TMEM132D: variants seen among roughly 807,000 people sequenced by gnomAD.
TMEM132D encodes transmembrane protein 132D.
Under a neutral mutation model 62.3 loss-of-function variants are expected in TMEM132D, and 21 were observed. The ratio of observed to expected loss-of-function variants is 0.34; its 90% CI spans 0.24 to 0.49. The LOEUF (loss-of-function observed/expected upper bound fraction) is 0.49. TMEM132D is among the 20% of genes least tolerant of loss of function. The probability of loss-of-function intolerance (pLI) is 0.99; values close to 1 mark genes in which losing one functional copy is unlikely to be tolerated. For missense variants in TMEM132D, 1,346 were observed against 1,402.8 expected (o/e 0.96, Z 0.65); for synonymous variants, 621 against 575.6 (o/e 1.08, Z -1.13).
At chr12:129,225,542 T>C (rs909198410) in intron 4 of TMEM132D, among the ~76,000 whole-genome samples, 1 of 152,214 alleles carries the variant, frequency 6.6e-6, no homozygotes, top group Non-Finnish European at 1.5e-5. Context: ...TTACTGAAAC[T>C]CTCTGCAGCT....
At chr12:129,273,187 TTC>T (rs1171288090) in intron 4 of TMEM132D, among the ~76,000 whole-genome samples, 3 of 151,374 alleles carry the variant, frequency 2.0e-5, no homozygotes, top group Non-Finnish European at 4.4e-5. Flanking sequence ...CAGAGTGAGA[TTC>T]TGTTTCCAAA....
At chr12:129,432,902 C>T (rs1443539524) in intron 3 of TMEM132D, among the ~76,000 whole-genome samples, 1 of 152,198 alleles carries the variant, frequency 6.6e-6, no homozygotes, top group African/African-American at 2.4e-5. Flanking sequence ...CTGCCAGAAA[C>T]CCATGGCCCC....
At chr12:129,574,722 G>A (rs918369821) in intron 2 of TMEM132D, among the ~76,000 whole-genome samples, 3 of 151,744 alleles carry the variant, frequency 2.0e-5, no homozygotes, top group Admixed American at 2.0e-4. Context: ...ATATAGCTCA[G>A]GGCTTTTTCA....
In TMEM132D at chr12:129,074,966, A is replaced by C. The variant is rs1168184051; in HGVS notation, c.2209T>G (p.Ser737Ala). The C allele has an allele frequency of 6.2e-7, 1 of 1,614,042 alleles. No homozygotes were observed. Among genetic ancestry groups the C allele is most frequent in the Non-Finnish European group, 8.5e-7 (1 of 1,180,012 alleles). The change falls in exon 9 of 9, where the codon TCT (serine) becomes GCT (alanine). Residue 737 changes from serine (S) to alanine (A), a missense_variant. Coordinates refer to ENST00000422113, the MANE Select transcript of TMEM132D (RefSeq NM_133448.3). ...DGKDFSLMAT[S>A]LDEKVVSIHQ... ...ATGGAGACTACCTTCTCATCCAAAG[A>C]TGTGGCCATCAAGGAGAAGTCTTTC...
chr12:129,803,781 A>G (rs1324288754), intron 1 of TMEM132D, among the ~76,000 whole-genome samples: 1 of 151,944 alleles, frequency 6.6e-6, no homozygotes, highest in Non-Finnish European at 1.5e-5. Context: ...AACAAAATAG[A>G]TAGACCGCTA....
chr12:129,757,913 A>T (rs940375562), intron 1 of TMEM132D, among the ~76,000 whole-genome samples: 1 of 151,372 alleles, frequency 6.6e-6, no homozygotes, highest in African/African-American at 2.4e-5. Flanking sequence ...ATTTTATTTT[A>T]TTTTTTTGAG....
intron 1 of TMEM132D, among the ~76,000 whole-genome samples, chr12:129,850,167 C>G (rs1310349072): frequency 6.6e-6 from 1 of 152,194 alleles, no homozygotes; most frequent in Non-Finnish European, 1.5e-5. Context: ...GGATCTCTCT[C>G]TCTCCTCTCT....
chr12:129,873,809 A>C (rs971099248), intron 1 of TMEM132D, among the ~76,000 whole-genome samples: 2 of 152,256 alleles, frequency 1.3e-5, no homozygotes, highest in Non-Finnish European at 2.9e-5. Flanking sequence ...TCTTGTGTAC[A>C]GATTTTATAT....
At chr12:129,453,728 C>T (rs2135728190) in intron 3 of TMEM132D, among the ~76,000 whole-genome samples, 1 of 152,232 alleles carries the variant, frequency 6.6e-6, no homozygotes, top group South Asian at 2.1e-4. Context: ...TTGTTTGCTC[C>T]CTAACAGTTT....
chr12:129,319,738 A>G (rs1025487939), intron 4 of TMEM132D, among the ~76,000 whole-genome samples: 1 of 152,182 alleles, frequency 6.6e-6, no homozygotes, highest in Non-Finnish European at 1.5e-5. Context: ...TAACATGCAC[A>G]TTGTCCCAGA....
chr12:129,346,753 G>T (rs1332820739), intron 3 of TMEM132D, among the ~76,000 whole-genome samples: 1 of 152,174 alleles, frequency 6.6e-6, no homozygotes, highest in Non-Finnish European at 1.5e-5. Flanking sequence ...CAAATAGGAA[G>T]AGAGGAAGCC....
intron 2 of TMEM132D, among the ~76,000 whole-genome samples, chr12:129,625,575 A>T (rs265623): frequency 0.24 from 36,924 of 152,090 alleles, 4,678 homozygotes; most frequent in Admixed American, 0.29. Context: ...TAGGCTGACG[A>T]TATGCTCACA....
chr12:129,515,698 AG>A (rs577692810), intron 3 of TMEM132D, among the ~76,000 whole-genome samples: 6 of 152,186 alleles, frequency 3.9e-5, no homozygotes, highest in Non-Finnish European at 7.3e-5. Flanking sequence ...TCTGAAGGCC[AG>A]GGGGAATCTA....
chr12:129,296,585 G>A (rs925787136), intron 4 of TMEM132D, among the ~76,000 whole-genome samples: 5 of 152,202 alleles, frequency 3.3e-5, no homozygotes, highest in Non-Finnish European at 5.9e-5. Context: ...GATATAGGCT[G>A]TAATTCTGTT....
chr12:129,499,600 C>T (rs755021899), intron 3 of TMEM132D, among the ~76,000 whole-genome samples: 6 of 152,128 alleles, frequency 3.9e-5, no homozygotes, highest in Admixed American at 6.5e-5. Context: ...TGTGAGATTC[C>T]GTCCTAGGGC....
At chr12:129,566,002 G>T (rs1877356811) in intron 2 of TMEM132D, among the ~76,000 whole-genome samples, 1 of 152,198 alleles carries the variant, frequency 6.6e-6, no homozygotes, top group Non-Finnish European at 1.5e-5. Flanking sequence ...GTGACAAAAT[G>T]CGTATAGCAC....
At chr12:129,076,187 A>C (rs1207725882) in intron 8 of TMEM132D, among the ~76,000 whole-genome samples, 1 of 152,208 alleles carries the variant, frequency 6.6e-6, no homozygotes, top group Non-Finnish European at 1.5e-5. Flanking sequence ...TGGGGAATGA[A>C]GCCCTCTGAT....
chr12:129,253,650 A>G (rs1367587267), intron 4 of TMEM132D, among the ~76,000 whole-genome samples: 2 of 152,210 alleles, frequency 1.3e-5, no homozygotes, highest in African/African-American at 4.8e-5. Flanking sequence ...TCCATGTCTC[A>G]ACTGAACTCA....
At chr12:129,737,566 C>T (rs999920704) in intron 1 of TMEM132D, among the ~76,000 whole-genome samples, 10 of 152,184 alleles carry the variant, frequency 6.6e-5, no homozygotes, top group Non-Finnish European at 2.9e-5. Context: ...CACACCATTC[C>T]CTATTGTCTC....
Sources: allele counts gnomAD v4.1 joint callset (sites outside exome capture counted in the v4.1 genomes callset), GRCh38; gene constraint gnomAD v4.1.1; transcripts MANE v1.5; gene names NCBI Gene and HGNC (gene_info 2026-07-23, HGNC 2026-07-21).